Variants in GRID2 observed in about 807,000 individuals in gnomAD.
GRID2 encodes glutamate ionotropic receptor delta type subunit 2.
Under a neutral mutation model 114.8 loss-of-function variants are expected in GRID2, and 33 were observed. That is an observed-to-expected ratio of 0.29 (90% CI 0.22 to 0.38). GRID2 has a LOEUF of 0.38. Among genes scored for constraint, GRID2 ranks in the 10% least tolerant of loss-of-function variants. The pLI is 1.00. For missense variants in GRID2, 1,184 were observed against 1,257.7 expected (o/e 0.94, Z 0.89); for synonymous variants, 505 against 449.9 (o/e 1.12, Z -1.55).
chr4:93,285,851 A>G (rs1753098714), intron 8 of GRID2, among the ~76,000 whole-genome samples: 2 of 152,038 alleles, frequency 1.3e-5, no homozygotes. Flanking sequence ...TAATCATACA[A>G]TTTATGTTGC....
At chr4:93,547,760 G>A (rs750222703) in intron 13 of GRID2, among the ~76,000 whole-genome samples, 21 of 152,130 alleles carry the variant, frequency 1.4e-4, no homozygotes, top group Admixed American at 5.2e-4. Context: ...TCTCAGCCAC[G>A]TACCTGACCT....
intron 13 of GRID2, among the ~76,000 whole-genome samples, chr4:93,576,934 C>T (rs1249258460): frequency 1.3e-5 from 2 of 152,028 alleles, no homozygotes; most frequent in Admixed American, 6.6e-5. Context: ...AAGAAAAATG[C>T]TTGAACAAAT....
chr4:92,771,125 C>A (rs1578170079), intron 2 of GRID2, among the ~76,000 whole-genome samples: 1 of 152,126 alleles, frequency 6.6e-6, no homozygotes, highest in Admixed American at 6.6e-5. Flanking sequence ...TTTGCTTTAA[C>A]CCAGTATTTC....
At chr4:92,535,790 G>C (rs1725591017) in intron 1 of GRID2, among the ~76,000 whole-genome samples, 1 of 152,178 alleles carries the variant, frequency 6.6e-6, no homozygotes, top group Non-Finnish European at 1.5e-5. Flanking sequence ...GAGTGTTACA[G>C]TTCTTAAAGA....
At chr4:93,054,306 A>C (rs1727014190) in intron 2 of GRID2, among the ~76,000 whole-genome samples, 1 of 151,122 alleles carries the variant, frequency 6.6e-6, no homozygotes, top group African/African-American at 2.4e-5. Flanking sequence ...ACTTATTTGT[A>C]ATTTTATTTT....
intron 2 of GRID2, among the ~76,000 whole-genome samples, chr4:92,894,408 A>C (rs1747010455): frequency 6.6e-6 from 1 of 152,126 alleles, no homozygotes; most frequent in Non-Finnish European, 1.5e-5. Flanking sequence ...AGGAGGATAG[A>C]CTATAAACCA....
chr4:93,390,048 C>T (rs930912590), intron 8 of GRID2, among the ~76,000 whole-genome samples: 1 of 152,194 alleles, frequency 6.6e-6, no homozygotes, highest in African/African-American at 2.4e-5. Flanking sequence ...CTTGGCCTCC[C>T]AAAGTGTTGG....
chr4:93,011,109 A>G (rs537297966), intron 2 of GRID2, among the ~76,000 whole-genome samples: 1 of 150,560 alleles, frequency 6.6e-6, no homozygotes, highest in East Asian at 1.9e-4. Context: ...TTAAAAATAT[A>G]TTTAAGACAG....
intron 1 of GRID2, among the ~76,000 whole-genome samples, chr4:92,360,635 G>A (rs1401915784): frequency 6.6e-6 from 1 of 151,970 alleles, no homozygotes; most frequent in African/African-American, 2.4e-5. Flanking sequence ...ACGGTATCAT[G>A]GAGGCTTCAT....
intron 8 of GRID2, among the ~76,000 whole-genome samples, chr4:93,300,762 C>T (rs960146189): frequency 2.6e-5 from 4 of 152,108 alleles, no homozygotes; most frequent in East Asian, 1.9e-4. Flanking sequence ...CCTTAAAATC[C>T]GAGCTCCCCA....
At chr4:92,727,410 A>T (rs951302961) in intron 2 of GRID2, among the ~76,000 whole-genome samples, 3 of 152,050 alleles carry the variant, frequency 2.0e-5, no homozygotes, top group African/African-American at 7.2e-5. Flanking sequence ...AAGTTGTAAC[A>T]CTCACTTCAA....
intron 8 of GRID2, among the ~76,000 whole-genome samples, chr4:93,264,196 T>G (rs945574696): frequency 3.3e-5 from 5 of 152,206 alleles, no homozygotes; most frequent in Non-Finnish European, 7.3e-5. Flanking sequence ...TTGGCTTATT[T>G]ATAACTTTGA....
chr4:92,604,711 A>G (rs1729372854), intron 2 of GRID2, among the ~76,000 whole-genome samples: 2 of 152,104 alleles, frequency 1.3e-5, no homozygotes, highest in Admixed American at 6.6e-5. Context: ...AATCCTATTT[A>G]TTATGTCTGA....
At chr4:92,659,731 C>G (rs767018324) in intron 2 of GRID2, among the ~76,000 whole-genome samples, 7 of 151,304 alleles carry the variant, frequency 4.6e-5, no homozygotes, top group Non-Finnish European at 8.9e-5. Flanking sequence ...AAGAATAAAT[C>G]CATTCCTGTG....
At chr4:92,940,091 A>G (rs1025388036) in intron 2 of GRID2, among the ~76,000 whole-genome samples, 3 of 147,064 alleles carry the variant, frequency 2.0e-5, no homozygotes, top group African/African-American at 7.3e-5. Context: ...AGTTTTTTCC[A>G]ATTCTGTGAA....
intron 14 of GRID2, among the ~76,000 whole-genome samples, chr4:93,674,749 A>G (rs1377629012): frequency 1.3e-5 from 2 of 152,112 alleles, no homozygotes; most frequent in African/African-American, 4.8e-5. Context: ...AGAAATAAAT[A>G]TATTTTCTTT....
chr4:93,367,909 T>G (rs1762495223), intron 8 of GRID2, among the ~76,000 whole-genome samples: 1 of 152,178 alleles, frequency 6.6e-6, no homozygotes, highest in Admixed American at 6.6e-5. Context: ...TAGGGTTGAT[T>G]AAATTAGAGC....
rs564031564 is a variant in GRID2, at chr4:93,012,663, A to T, written c.245-72332A>T. On this transcript the variant is annotated intron_variant, in intron 2 of 15. Coordinates refer to ENST00000282020, the MANE Select transcript of GRID2 (RefSeq NM_001510.4). The stretch of plus-strand genomic sequence containing the variant: ...ACTGTACTAATAAAAAGAGCAAAGG[A>T]TACTATAAGGATAAAAAAAAACCTG... Among the ~76,000 whole-genome samples, 6 of 132,864 alleles carry T rather than the reference A, an allele frequency of 4.5e-5. No homozygotes were observed. The South Asian group carries it at 1.5e-3, about 32-fold the overall frequency. The allele number at this position is 132,864 out of a possible 152,430, so 87.2% of individuals were successfully genotyped here.
rs115733719 is a variant in GRID2 at position 93,695,861 on chromosome 4, T to C, written c.2360+69426T>C. Reference sequence around the variant, plus strand: ...AATGCTATCTTCCTCTTATTAGCTATGTGACCACTTAATGAGATAATGTAT... The same window carrying C: ...AATGCTATCTTCCTCTTATTAGCTACGTGACCACTTAATGAGATAATGTAT... On this transcript the variant is annotated intron_variant, in intron 14 of 15. Transcript: ENST00000282020. Among the ~76,000 whole-genome samples the C allele has an allele frequency of 2.8e-3, 420 of 152,350 alleles. 4 individuals carry two copies. The highest frequency in any genetic ancestry group is 9.8e-3 in the African/African-American group (406 of 41,588).
Sources: gnomAD v4.1 joint callset for allele counts (sites outside exome capture counted in the v4.1 genomes callset) on GRCh38, gnomAD v4.1.1 for gene constraint, MANE v1.5 for transcripts, NCBI Gene and HGNC (gene_info 2026-07-23, HGNC 2026-07-21) for gene names.